ENTPD7: variants seen among roughly 807,000 people sequenced by gnomAD.
The protein encoded by ENTPD7 is NTPDase 7.
ENTPD7 carries 53 observed loss-of-function variants against 77.9 expected under a neutral mutation model. The observed-to-expected ratio is 0.68, with a 90% CI of 0.55 to 0.85. The LOEUF (loss-of-function observed/expected upper bound fraction) is 0.85. Among genes scored for constraint, ENTPD7 ranks in the 40% least tolerant of loss-of-function variants. The probability of loss-of-function intolerance (pLI) is 0.00; values close to 1 mark genes in which losing one functional copy is unlikely to be tolerated. For missense variants in ENTPD7, 636 were observed against 743.7 expected, an observed-to-expected ratio of 0.86 and a Z score of 1.68; for synonymous variants, 248 against 274.9, an observed-to-expected ratio of 0.90 and a Z score of 0.97.
At chr10:99,674,617 A>G (rs930758022) in intron 3 of ENTPD7, among the ~76,000 whole-genome samples, 8 of 152,242 alleles carry the variant, frequency 5.3e-5, no homozygotes, top group East Asian at 1.9e-4. Flanking sequence ...GTGTTGTAAC[A>G]TGTGACAGGA....
intron 6 of ENTPD7, among the ~76,000 whole-genome samples, chr10:99,687,272 T>C (rs2035827256): frequency 1.8e-5 from 2 of 109,260 alleles, no homozygotes; most frequent in African/African-American, 7.0e-5. Flanking sequence ...TTTTTTTTTT[T>C]TTTTTTTTTT....
At chr10:99,670,837 G>T (rs368493869) in intron 3 of ENTPD7, among the ~76,000 whole-genome samples, 1 of 152,010 alleles carries the variant, frequency 6.6e-6, no homozygotes, top group South Asian at 2.1e-4. Context: ...TAATAACATG[G>T]TGAAACCTCA....
At chr10:99,678,104 G>C (rs1031112704) in intron 3 of ENTPD7, among the ~76,000 whole-genome samples, 12 of 151,804 alleles carry the variant, frequency 7.9e-5, no homozygotes, top group African/African-American at 2.9e-4. Flanking sequence ...TTGGTGGTAG[G>C]TACACAGGCA....
At position 99,677,396 on chromosome 10, in the gene ENTPD7, G is replaced by A. The variant is rs140818833; in HGVS notation, c.192-1865G>A. Reference sequence around the variant, plus strand: ...TTTTTTTTTTTTGAGATGGAGTCTCGCTCTGTCACCCAGGCTAGAGTGCAG... The same window carrying A: ...TTTTTTTTTTTTGAGATGGAGTCTCACTCTGTCACCCAGGCTAGAGTGCAG... On this transcript the variant is annotated intron_variant, in intron 3 of 12. Transcript: ENST00000370489. Among the ~76,000 whole-genome samples, 416 of 125,566 alleles carry A rather than the reference G, an allele frequency of 3.3e-3. 3 individuals are homozygous for A. The highest frequency in any genetic ancestry group is 0.012 in the African/African-American group (393 of 32,324). 82.4% of individuals were successfully genotyped at this position (125,566 alleles called of 152,430 possible).
chr10:99,708,963 G>T lies in ENTPD7; in HGVS notation c.*4280G>T, dbSNP rs955824203. On this transcript the variant is annotated 3_prime_UTR_variant, in exon 13 of 13. Transcript: ENST00000370489. Reference sequence around the variant, plus strand: ...ACAACTGCTTCTGACATTCATTTATGACTGCTTTGCTCACATTTAGGAATA... The same window carrying T: ...ACAACTGCTTCTGACATTCATTTATTACTGCTTTGCTCACATTTAGGAATA... 1.0e-6 allele frequency: 1 copy of T among 985,340 alleles called. No individual in the cohort carries two copies. Among genetic ancestry groups the T allele is most frequent in the Non-Finnish European group, 1.2e-6 (1 of 829,902 alleles). 61.0% of individuals were successfully genotyped at this position (985,340 alleles called of 1,614,324 possible).
chr10:99,676,974 C>A (rs1053696102), intron 3 of ENTPD7, among the ~76,000 whole-genome samples: 2 of 152,132 alleles, frequency 1.3e-5, no homozygotes, highest in African/African-American at 4.8e-5. Flanking sequence ...AGGTACTCTA[C>A]TTTTTTATTT....
At position 99,679,408 on chromosome 10, in the gene ENTPD7, G is replaced by A; in HGVS notation, c.339G>A (p.Leu113=). 6.2e-7 allele frequency: 1 copy of A among 1,614,086 alleles called. No individual in the cohort carries two copies. Among genetic ancestry groups the A allele is most frequent in the South Asian group, 1.1e-5 (1 of 91,078 alleles). ...ATAATGGGAACCCCCATGACTTGCTGGACATCAAACAGATGAGAGACCGCA... is the reference window on the plus strand; with the variant it reads ...ATAATGGGAACCCCCATGACTTGCTAGACATCAAACAGATGAGAGACCGCA... The part of the protein sequence containing the change: ...PRHNGNPHDL[L]DIKQMRDRNS... Residue 113 remains leucine (L), a synonymous_variant, in exon 4 of 13, where the codon CTG becomes CTA. Coordinates refer to ENST00000370489, the MANE Select transcript of ENTPD7 (RefSeq NM_020354.5).
At chr10:99,699,846 G>A (rs566879152) in intron 10 of ENTPD7, among the ~76,000 whole-genome samples, 10 of 152,180 alleles carry the variant, frequency 6.6e-5, no homozygotes, top group Non-Finnish European at 1.0e-4. Flanking sequence ...GATTACAGGC[G>A]TGAGTCACCG....
rs1418951146 is a variant in ENTPD7 at position 99,685,811 on chromosome 10, G to A, written c.568G>A (p.Ala190Thr). Reference sequence around the variant, plus strand: ...TTGCAGGAAGCAGTTGGCTATCTTGGCTGACCTAGTGAAAGATTTACCACT... The same window carrying A: ...TTGCAGGAAGCAGTTGGCTATCTTGACTGACCTAGTGAAAGATTTACCACT... ...LPERKQLAIL[A>T]DLVKDLPLEF... is the part of the protein sequence containing the mutation. The change falls in exon 6 of 13, where the codon GCT becomes ACT. Residue 190 changes from alanine to threonine, a missense_variant. Transcript: ENST00000370489. 6.2e-7 allele frequency: 1 copy of A among 1,613,722 alleles called. No individual in the cohort carries two copies. Among genetic ancestry groups the A allele is most frequent in the South Asian group, 1.1e-5 (1 of 91,048 alleles).
intron 3 of ENTPD7, among the ~76,000 whole-genome samples, chr10:99,674,799 G>T (rs1406936761): frequency 6.6e-6 from 1 of 152,172 alleles, no homozygotes; most frequent in East Asian, 1.9e-4. Flanking sequence ...CAAAAGCAAT[G>T]GCAGGTAAAA....
chr10:99,710,545 G>C lies in ENTPD7; in HGVS notation c.*5862G>C. On this transcript the variant is annotated 3_prime_UTR_variant, in exon 13 of 13. Coordinates refer to ENST00000370489, the MANE Select transcript of ENTPD7 (RefSeq NM_020354.5). ...CTGCTTCACATTAAACAATAATTTT[G>C]TTGAATTTTGAATTCTTAAAATTCT... The C allele has an allele frequency of 1.0e-6, 1 of 985,278 alleles. No individual in the cohort carries two copies. Among genetic ancestry groups the C allele is most frequent in the African/African-American group, 1.7e-5 (1 of 57,320 alleles). 61.0% of individuals were successfully genotyped at this position (985,278 alleles called of 1,614,324 possible).
chr10:99,689,636 G>A (rs777229181), intron 7 of ENTPD7, among the ~76,000 whole-genome samples: 10 of 152,188 alleles, frequency 6.6e-5, no homozygotes, highest in African/African-American at 2.2e-4. Flanking sequence ...GTTTTGTAAT[G>A]TCTGGTTGAC....
At chr10:99,686,873 C>T (rs921704865) in intron 6 of ENTPD7, among the ~76,000 whole-genome samples, 7 of 148,532 alleles carry the variant, frequency 4.7e-5, no homozygotes, top group African/African-American at 1.5e-4. Context: ...TTTTAGGAGG[C>T]AGTTGATCTC....
chr10:99,696,294 G>A (rs1293396398), intron 9 of ENTPD7, among the ~76,000 whole-genome samples, 172 bp downstream of exon 9: 1 of 152,182 alleles, frequency 6.6e-6, no homozygotes, highest in Admixed American at 6.5e-5. Flanking sequence ...GTCCCACTCT[G>A]GGTGAGGGTG....
In ENTPD7 at chr10:99,704,560, C is replaced by T. The variant is rs139373708; in HGVS notation, c.1692C>T (p.Ala564=). The change falls in exon 13 of 13, where the codon GCC becomes GCT. Residue 564 remains alanine (A), a synonymous_variant. Transcript: ENST00000370489. ...CCTGTATCCTGGTGGTGCTACTGGCCATCTTCCTATACCTTCTGCGGCTAC... is the reference window on the plus strand; with the variant it reads ...CCTGTATCCTGGTGGTGCTACTGGCTATCTTCCTATACCTTCTGCGGCTAC... ...FFACILVVLL[A]IFLYLLRLRR... is the part of the protein sequence containing the mutation. 1 of 1,614,056 alleles carries T rather than the reference C, an allele frequency of 6.2e-7. No homozygotes were observed. The highest frequency in any genetic ancestry group is 1.3e-5 in the African/African-American group (1 of 74,932).
chr10:99,708,716 C>G lies in ENTPD7; in HGVS notation c.*4033C>G. 1 of 531,870 alleles carries G rather than the reference C, an allele frequency of 1.9e-6. No individual in the cohort carries two copies. The highest frequency in any genetic ancestry group is 2.4e-6 in the Non-Finnish European group (1 of 415,832). 32.9% of individuals were successfully genotyped at this position (531,870 alleles called of 1,614,324 possible). On this transcript the variant is annotated 3_prime_UTR_variant, in exon 13 of 13. Transcript: ENST00000370489. ...TTCTAATAGTAATCATAATAAATTT[C>G]AGAAGAGTTTTAAAGCTTCTGGTCA...
Position 99,679,354 on chromosome 10 carries a change from C to G in ENTPD7, c.285C>G (p.Ser95=), listed in dbSNP as rs774747547. The G allele has an allele frequency of 6.2e-7, 1 of 1,613,950 alleles. No individual in the cohort carries two copies. Among genetic ancestry groups the G allele is most frequent in the Non-Finnish European group, 8.5e-7 (1 of 1,180,018 alleles). ...TTGTTGACTGTGGCAGCAGTGGTTC[C>G]CGGATTTTTGTTTATTTCTGGCCAA... ...GLVVDCGSSG[S]RIFVYFWPRH... The change falls in exon 4 of 13, where the codon TCC becomes TCG. Residue 95 remains serine (S), a synonymous_variant. Transcript: ENST00000370489.
chr10:99,704,984 T>C lies in ENTPD7; in HGVS notation c.*301T>C. ...AGAGGTCTGGTGTGTTCCTAGAATCTCACCTTTTCTTCCCTTGCTAAAGCA... is the reference window on the plus strand; with the variant it reads ...AGAGGTCTGGTGTGTTCCTAGAATCCCACCTTTTCTTCCCTTGCTAAAGCA... On this transcript the variant is annotated 3_prime_UTR_variant, in exon 13 of 13. Coordinates refer to ENST00000370489, the MANE Select transcript of ENTPD7 (RefSeq NM_020354.5). 1 of 350,716 alleles carries C rather than the reference T, an allele frequency of 2.9e-6. No individual in the cohort carries two copies. The highest frequency in any genetic ancestry group is 5.3e-6 in the Non-Finnish European group (1 of 188,652). The allele number at this position is 350,716 out of a possible 1,614,324, so 21.7% of individuals were successfully genotyped here.
At chr10:99,696,997 C>T (rs1257584990) in intron 9 of ENTPD7, among the ~76,000 whole-genome samples, 1 of 152,234 alleles carries the variant, frequency 6.6e-6, no homozygotes, top group African/African-American at 2.4e-5. Flanking sequence ...AAACAACACA[C>T]TTACCTACGT....
Sources: gnomAD v4.1 joint callset for allele counts (sites outside exome capture counted in the v4.1 genomes callset) on GRCh38, gnomAD v4.1.1 for gene constraint, MANE v1.5 for transcripts, NCBI Gene and HGNC (gene_info 2026-07-23, HGNC 2026-07-21) for gene names.